Variants in MKX observed in about 807,000 individuals in gnomAD.
MKX encodes the protein mohawk homeobox, also known as homeobox protein Mohawk.
Under a neutral mutation model 36.0 loss-of-function variants are expected in MKX, and 13 were observed. The ratio of observed to expected loss-of-function variants is 0.36; its 90% CI spans 0.24 to 0.57. MKX has a LOEUF of 0.57. Ranked by LOEUF, MKX falls within the 20% of genes least tolerant of loss-of-function variation. MKX has a pLI of 0.79. For missense variants in MKX, 458 were observed against 456.4 expected, an observed-to-expected ratio of 1.00 and a Z score of -0.03; for synonymous variants, 176 against 178.3, an observed-to-expected ratio of 0.99 and a Z score of 0.10.
chr10:27,690,555 A>G (rs1836436111), intron 5 of MKX, among the ~76,000 whole-genome samples: 1 of 152,334 alleles, frequency 6.6e-6, no homozygotes, highest in South Asian at 2.1e-4. Flanking sequence ...CACACACTAT[A>G]TCTAGGTTTC....
chr10:27,743,384 C>A lies in MKX; in HGVS notation c.32G>T (p.Gly11Val). Residue 11 changes from glycine to valine, a missense_variant, in exon 2 of 7, where the codon GGT becomes GTT. Physicochemically the swap from Gly to Val is moderately radical, Grantham distance 109. Coordinates refer to ENST00000419761, the MANE Select transcript of MKX (RefSeq NM_173576.3). ...GCCTCCGTCCTCAAACAGCACCGCA[C>A]CGCTGAGCTTGTTGAAGACGATGGT... Reference protein sequence around the residue: MNTIVFNKLSGAVLFEDGGAS... With the variant: MNTIVFNKLSVAVLFEDGGAS... 1 of 1,570,632 alleles carries A rather than the reference C, an allele frequency of 6.4e-7. No individual in the cohort carries two copies. Among genetic ancestry groups the A allele is most frequent in the East Asian group, 2.4e-5 (1 of 41,148 alleles).
At chr10:27,681,052 C>G (rs1270861649) in intron 5 of MKX, among the ~76,000 whole-genome samples, 1 of 152,210 alleles carries the variant, frequency 6.6e-6, no homozygotes, top group Non-Finnish European at 1.5e-5. Context: ...GACAGTGGCC[C>G]ATAAGATTAT....
rs72797680 is a variant in MKX at position 27,687,011 on chromosome 10, T to A, written c.839-11457A>T. ...AAAATTAAAAGCCACACCTCTCTCT[T>A]TTTTTTTTTTTGAAACGGAGTCTCG... On this transcript the variant is annotated intron_variant, in intron 5 of 6. Transcript: ENST00000419761. Among the ~76,000 whole-genome samples, 4 of 25,258 alleles carry A rather than the reference T, an allele frequency of 1.6e-4. No individual in the cohort carries two copies. The Non-Finnish European group carries it at 2.0e-3, about 13-fold the overall frequency. 16.6% of individuals were successfully genotyped at this position (25,258 alleles called of 152,430 possible). A position where few individuals can be genotyped will look rare whatever the true frequency, so the allele number is the denominator to read the frequency against.
rs1039622544 is a variant in MKX at position 27,744,614 on chromosome 10, C to T, written c.-83+1093G>A. On this transcript the variant is annotated intron_variant, in intron 1 of 6. Transcript: ENST00000419761. This position sits in a 1 kb window ranked among gnomAD's most constrained non-coding sequence, Gnocchi z 5.6. ...TCGCCTCGCGCCTCGGGACAGCTCC[C>T]GTTTCCTCCGAGCGGCCTCAGCTTC... Among the ~76,000 whole-genome samples the T allele has an allele frequency of 6.6e-6, 1 of 152,124 alleles. No individual in the cohort carries two copies. The highest frequency in any genetic ancestry group is 1.5e-5 in the Non-Finnish European group (1 of 68,006).
rs1043080813 is a variant in MKX at position 27,680,857 on chromosome 10, G to A, written c.839-5303C>T. 4.6e-5 allele frequency among the ~76,000 whole-genome samples: 7 copies of A among 152,160 alleles called. No individual in the cohort carries two copies. The South Asian group carries it at 1.4e-3, about 32-fold the overall frequency. ...AAGAAAAAAAACTTTTGAGATCATG[G>A]AAAGGGAAGTAAATGAGTCAGTGAG... On this transcript the variant is annotated intron_variant, in intron 5 of 6. Coordinates refer to ENST00000419761, the MANE Select transcript of MKX (RefSeq NM_173576.3).
At chr10:27,691,000 C>A (rs1836444226) in intron 5 of MKX, among the ~76,000 whole-genome samples, 1 of 152,158 alleles carries the variant, frequency 6.6e-6, no homozygotes, top group Non-Finnish European at 1.5e-5. Context: ...TTTTCTCTCT[C>A]CTGCTGCCTT....
At chr10:27,692,087 T>C (rs1416719724) in intron 5 of MKX, among the ~76,000 whole-genome samples, 1 of 152,224 alleles carries the variant, frequency 6.6e-6, no homozygotes, top group South Asian at 2.1e-4. Context: ...GATTGCTGTG[T>C]TGAATGGTAA....
chr10:27,729,822 A>G (rs935950075), intron 5 of MKX, among the ~76,000 whole-genome samples: 1 of 152,178 alleles, frequency 6.6e-6, no homozygotes, highest in African/African-American at 2.4e-5. Context: ...GTCTAATTCA[A>G]GTTAGAAAAG....
intron 3 of MKX, 58 bp from the exon 4 acceptor site, chr10:27,735,432 T>C: frequency 6.8e-7 from 1 of 1,460,082 alleles, no homozygotes; most frequent in Non-Finnish European, 9.4e-7. Flanking sequence ...ATGGTGCGAT[T>C]ATTTTCTCAT....
chr10:27,695,692 T>C (rs973823824), intron 5 of MKX, among the ~76,000 whole-genome samples: 1 of 152,088 alleles, frequency 6.6e-6, no homozygotes, highest in Non-Finnish European at 1.5e-5. Flanking sequence ...ACAGGAGAGA[T>C]AAGGGATGAG....
chr10:27,721,515 T>G (rs113597470), intron 5 of MKX, among the ~76,000 whole-genome samples: 9,504 of 152,220 alleles, frequency 0.062, 392 homozygotes, highest in Non-Finnish European at 0.097. Flanking sequence ...CTTGGCAAAC[T>G]AATGCAGGAA....
At chr10:27,718,589 G>A (rs1354792352) in intron 5 of MKX, 1 of 444,952 alleles carries the variant, frequency 2.2e-6, no homozygotes, top group Non-Finnish European at 4.5e-6. Context: ...AAGAACCTAA[G>A]TTTTCCACTG....
chr10:27,697,961 G>T (rs1229784690), intron 5 of MKX, among the ~76,000 whole-genome samples: 1 of 152,142 alleles, frequency 6.6e-6, no homozygotes, highest in Non-Finnish European at 1.5e-5. Context: ...TCTTGCCAGT[G>T]TGCCCAACCA....
chr10:27,681,773 T>A (rs1207183351), intron 5 of MKX, among the ~76,000 whole-genome samples: 1 of 151,744 alleles, frequency 6.6e-6, no homozygotes, highest in East Asian at 1.9e-4. Context: ...TACAAAAAAA[T>A]TAGCTGGGCC....
intron 5 of MKX, among the ~76,000 whole-genome samples, chr10:27,729,539 T>A (rs1834575372): frequency 6.6e-6 from 1 of 152,046 alleles, no homozygotes; most frequent in African/African-American, 2.4e-5. Context: ...ACTCCTGACC[T>A]CTGATGATCC....
At chr10:27,733,196 T>G (rs575737102) in intron 5 of MKX, among the ~76,000 whole-genome samples, 16 of 152,330 alleles carry the variant, frequency 1.1e-4, no homozygotes, top group African/African-American at 3.1e-4. Flanking sequence ...TGAGGTTGAT[T>G]TAAGTCTTTA....
intron 5 of MKX, among the ~76,000 whole-genome samples, chr10:27,711,321 T>A (rs1836846273): frequency 6.6e-6 from 1 of 152,222 alleles, no homozygotes; most frequent in South Asian, 2.1e-4. Flanking sequence ...AAAAGCACTA[T>A]CTACTCTTAA....
chr10:27,675,056 T>A lies in MKX; in HGVS notation c.*173A>T. Reference sequence around the variant, plus strand: ...AGTTAATATTTTTGATTAAAATGAGTTTTTTATAATTTATATGTCTTTTAT... The same window carrying A: ...AGTTAATATTTTTGATTAAAATGAGATTTTTATAATTTATATGTCTTTTAT... On this transcript the variant is annotated 3_prime_UTR_variant, in exon 7 of 7. Coordinates refer to ENST00000419761, the MANE Select transcript of MKX (RefSeq NM_173576.3). 1.9e-6 allele frequency: 1 copy of A among 526,066 alleles called. No individual in the cohort carries two copies. Among genetic ancestry groups the A allele is most frequent in the Non-Finnish European group, 3.2e-6 (1 of 314,868 alleles). 32.6% of individuals were successfully genotyped at this position (526,066 alleles called of 1,614,324 possible).
At chr10:27,706,071 T>C (rs1333554271) in intron 5 of MKX, among the ~76,000 whole-genome samples, 4 of 152,046 alleles carry the variant, frequency 2.6e-5, no homozygotes, top group Non-Finnish European at 2.9e-5. Flanking sequence ...CCACCATTTT[T>C]TTTCTGTCTC....
Sources: gnomAD v4.1 joint callset for allele counts (sites outside exome capture counted in the v4.1 genomes callset) on GRCh38, gnomAD v4.1.1 for gene constraint, Gnocchi (gnomAD v3.1) non-coding constraint, MANE v1.5 for transcripts, NCBI Gene and HGNC (gene_info 2026-07-23, HGNC 2026-07-21) for gene names.